SPINK1: variants seen among roughly 807,000 people sequenced by gnomAD.
SPINK1 encodes serine peptidase inhibitor Kazal type 1, also known as serine protease inhibitor Kazal-type 1.
In SPINK1, 5 loss-of-function variants were observed where a neutral mutation model predicts 9.5. The ratio of observed to expected loss-of-function variants is 0.52; its 90% CI spans 0.27 to 1.10. The LOEUF is 1.10. Among genes scored for constraint, SPINK1 ranks in the 50% least tolerant of loss-of-function variants. The pLI is 0.11. For synonymous variants in SPINK1, 37 were observed against 32.3 expected (o/e 1.14, Z -0.49); for missense variants, 88 against 92.7 (o/e 0.95, Z 0.21).
At chr5:147,838,359 T>C in the SPINK1 span, among the ~76,000 whole-genome samples, 1 of 152,200 alleles carries the variant, frequency 6.6e-6, no homozygotes, top group Admixed American at 6.5e-5. Context: ...TAAGGAAATA[T>C]AGAATGCTGT....
chr5:147,831,512 G>T lies in SPINK1; in HGVS notation c.55+11C>A. 1 of 1,613,200 alleles carries T rather than the reference G, an allele frequency of 6.2e-7. No homozygotes were observed. The highest frequency in any genetic ancestry group is 8.5e-7 in the Non-Finnish European group (1 of 1,179,712). ...AGTTTTATTTAAATTTGAAAAATATGCAACACTTACCAGATAGACTCAACA... is the reference window on the plus strand; with the variant it reads ...AGTTTTATTTAAATTTGAAAAATATTCAACACTTACCAGATAGACTCAACA... On this transcript the variant is annotated intron_variant, in intron 1 of 3. Transcript: ENST00000296695.
At chr5:147,826,646 A>T (rs1580940709) in intron 3 of SPINK1, among the ~76,000 whole-genome samples, 1 of 152,204 alleles carries the variant, frequency 6.6e-6, no homozygotes, top group Non-Finnish European at 1.5e-5. Context: ...TGTCAAGAAC[A>T]TGGGTCATGA....
Position 147,831,613 on chromosome 5 carries a change from T to C in SPINK1, c.-36A>G. On this transcript the variant is annotated 5_prime_UTR_variant, in exon 1 of 4. Coordinates refer to ENST00000296695, the MANE Select transcript of SPINK1 (RefSeq NM_001379610.1). ...CTGCGTCCAGAGGTCAGTTGAAAAC[T>C]GCACCGCACTTACCACGTCTCTTCA... The C allele has an allele frequency of 6.2e-7, 1 of 1,611,972 alleles. No homozygotes were observed. Among genetic ancestry groups the C allele is most frequent in the Non-Finnish European group, 8.5e-7 (1 of 1,179,272 alleles).
At chr5:147,835,645 G>A (rs921442511), upstream of SPINK1, among the ~76,000 whole-genome samples, 9 of 152,082 alleles carry the variant, frequency 5.9e-5, no homozygotes, top group Admixed American at 5.9e-4. Flanking sequence ...TGAGTAAAGA[G>A]TGATGACAAA....
chr5:147,827,340 T>G (rs1473297280), intron 3 of SPINK1: 1 of 152,644 alleles, frequency 6.6e-6, no homozygotes, highest in African/African-American at 2.4e-5. Flanking sequence ...TGGCATTCTA[T>G]TCTTTTCATG....
intron 3 of SPINK1, among the ~76,000 whole-genome samples, chr5:147,825,657 G>A (rs1756389243): frequency 1.3e-5 from 2 of 152,004 alleles, no homozygotes; most frequent in African/African-American, 4.8e-5. Flanking sequence ...GGCCAGGCTG[G>A]TCTCAAACTC....
intron 1 of SPINK1, among the ~76,000 whole-genome samples, chr5:147,830,289 A>G (rs1330601006): frequency 6.6e-6 from 1 of 152,210 alleles, no homozygotes; most frequent in Non-Finnish European, 1.5e-5. Context: ...AAAATAGCTA[A>G]TCTCTATTCC....
At chr5:147,837,713 C>CTTTCTTTCTTTCT in the SPINK1 span, among the ~76,000 whole-genome samples, 1 of 120,488 alleles carries the variant, frequency 8.3e-6, no homozygotes, top group Non-Finnish European at 1.8e-5. Context: ...TTCTTTCTTT[C>CTTTCTTTCTTTCT]TTTTTTGGGA....
intron 3 of SPINK1, chr5:147,827,540 A>G (rs1471108495): frequency 6.2e-6 from 1 of 160,494 alleles, no homozygotes; most frequent in East Asian, 1.8e-4. Context: ...AGACATGCTA[A>G]GGTTTCAGTT....
upstream of SPINK1, among the ~76,000 whole-genome samples, chr5:147,833,141 A>C (rs144975497): frequency 4.2e-3 from 642 of 152,282 alleles, 6 homozygotes; most frequent in African/African-American, 0.011. Flanking sequence ...AAGGATGTGC[A>C]TTCCAGACAG....
chr5:147,832,854 TG>T (rs1348976697), upstream of SPINK1, among the ~76,000 whole-genome samples: 1 of 152,212 alleles, frequency 6.6e-6, no homozygotes, highest in African/African-American at 2.4e-5. Context: ...TGACAAGAAC[TG>T]TATTTATCTC....
At chr5:147,831,938 C>A (rs1362426236), upstream of SPINK1, among the ~76,000 whole-genome samples, 39 of 152,318 alleles carry the variant, frequency 2.6e-4, no homozygotes, top group Non-Finnish European at 1.5e-4. Flanking sequence ...ACTCAAAGAT[C>A]CCTTCTACTC....
At chr5:147,837,649 TTTTCTTTCTTTCTTTCTTTCTTTC>T in the SPINK1 span, among the ~76,000 whole-genome samples, 61 of 107,118 alleles carry the variant, frequency 5.7e-4, no homozygotes, top group East Asian at 3.2e-3. Flanking sequence ...CATTAACTTC[TTTTCTTTCTTTCTTTCTTTCTTTC>T]TTTCTTTCTT....
chr5:147,824,854 T>C, intron 3 of SPINK1, 148 bp from the exon 4 acceptor site: 1 of 735,162 alleles, frequency 1.4e-6, no homozygotes, highest in South Asian at 1.7e-5. Context: ...TTCATTCATT[T>C]ATACATTCAC....
At chr5:147,827,318 A>G (rs1168976626) in intron 3 of SPINK1, 2 of 152,590 alleles carry the variant, frequency 1.3e-5, no homozygotes, top group South Asian at 2.1e-4. Flanking sequence ...GGAGTGAGCC[A>G]CTGCACCCGG....
upstream of SPINK1, among the ~76,000 whole-genome samples, chr5:147,834,058 C>T: frequency 6.6e-6 from 1 of 152,016 alleles, no homozygotes; most frequent in Non-Finnish European, 1.5e-5. Context: ...TAGATTATTC[C>T]CTCCTATTGT....
upstream of SPINK1, among the ~76,000 whole-genome samples, chr5:147,834,960 A>G (rs1481709288): frequency 6.6e-6 from 1 of 152,078 alleles, no homozygotes; most frequent in Non-Finnish European, 1.5e-5. Flanking sequence ...TGCCAATCCT[A>G]ATCTGTGATT....
chr5:147,838,172 T>C, the SPINK1 span, among the ~76,000 whole-genome samples: 15 of 152,230 alleles, frequency 9.9e-5, no homozygotes, highest in Non-Finnish European at 1.6e-4. Flanking sequence ...CCTACAGCAA[T>C]CATTAACTAA....
chr5:147,833,597 C>T (rs1756546183), upstream of SPINK1, among the ~76,000 whole-genome samples: 2 of 152,120 alleles, frequency 1.3e-5, no homozygotes, highest in African/African-American at 2.4e-5. Flanking sequence ...TTCAAAATAA[C>T]CTCAATCCTG....
Sources: allele counts gnomAD v4.1 joint callset (sites outside exome capture counted in the v4.1 genomes callset), GRCh38; gene constraint gnomAD v4.1.1; transcripts MANE v1.5; gene names NCBI Gene and HGNC (gene_info 2026-07-23, HGNC 2026-07-21).